Variants in POU2F2 observed in about 807,000 individuals in gnomAD.
POU2F2 encodes the protein POU class 2 homeobox 2, also known as POU domain, class 2, transcription factor 2.
POU2F2 carries 14 observed loss-of-function variants against 63.5 expected under a neutral mutation model. That is an observed-to-expected ratio of 0.22 (90% CI 0.15 to 0.34). The LOEUF is 0.34. POU2F2 is among the 10% of genes least tolerant of loss of function. The pLI, the probability that POU2F2 is intolerant of heterozygous loss-of-function variation, is 1.00. For synonymous variants in POU2F2, 306 were observed against 348.6 expected (o/e 0.88, Z 1.36); for missense variants, 607 against 815.2 (o/e 0.74, Z 3.11).
exon 1 of POU2F2, chr19:42,196,443 C>G (rs2035146473): frequency 6.6e-6 from 1 of 152,322 alleles, no homozygotes. Context: ...TTCGCAAGGG[C>G]TGAAAAATTC....
At chr19:42,123,403 C>A (rs1406178224) in intron 1 of POU2F2, among the ~76,000 whole-genome samples, 9 of 152,134 alleles carry the variant, frequency 5.9e-5, no homozygotes, top group Admixed American at 5.9e-4. Flanking sequence ...GCACATAAAC[C>A]CACGGAGACA....
chr19:42,100,960 A>G (rs1436540783), intron 5 of POU2F2, among the ~76,000 whole-genome samples: 1 of 150,262 alleles, frequency 6.7e-6, no homozygotes, highest in Non-Finnish European at 1.5e-5. Context: ...TTAGCCAGGC[A>G]TGGTGGCACA....
Position 42,117,352 on chromosome 19 carries a change from G to A in POU2F2, c.267C>T (p.Asp89=). ...CLSPPQIKAE[D]PSGDSAPAAP... ...CTGCTGGGGCTGAATCGCCACTGGG[G>A]TCTTCAGCCTTGATCTGGGGGGGAG... Residue 89 remains aspartate (D), a synonymous_variant, in exon 5 of 15, where the codon GAC becomes GAT. Transcript: ENST00000692977. This position sits in a 1 kb window ranked among gnomAD's most constrained non-coding sequence, Gnocchi z 4.4. 3 of 1,533,306 alleles carry A rather than the reference G, an allele frequency of 2.0e-6. No homozygotes were observed. Among genetic ancestry groups the A allele is most frequent in the South Asian group, 1.3e-5 (1 of 77,354 alleles). The allele number at this position is 1,533,306 out of a possible 1,614,324, so 95.0% of individuals were successfully genotyped here. A position where few individuals can be genotyped will look rare whatever the true frequency, so the allele number is the denominator to read the frequency against.
At chr19:42,145,322 T>C (rs1479656119) in intron 2 of POU2F2, among the ~76,000 whole-genome samples, 1 of 152,224 alleles carries the variant, frequency 6.6e-6, no homozygotes, top group Non-Finnish European at 1.5e-5. Context: ...CAAAGACTGC[T>C]GAGTCCTAGC....
At chr19:42,123,511 C>T (rs1406374177) in intron 1 of POU2F2, among the ~76,000 whole-genome samples, 1 of 152,088 alleles carries the variant, frequency 6.6e-6, no homozygotes, top group Non-Finnish European at 1.5e-5. Flanking sequence ...CTCACATTAG[C>T]GGTTAGTGCT....
intron 1 of POU2F2, among the ~76,000 whole-genome samples, chr19:42,188,905 GAGGAAGGAAGGAAGGAAGGAAGGA>G (rs201081622): frequency 2.1e-4 from 18 of 86,154 alleles, no homozygotes; most frequent in Admixed American, 1.3e-4. Flanking sequence ...GAAGAGAAGA[GAGGAAGGAAGGAAGGAAGGAAGGA>G]AGGAAGGAAG....
At position 42,096,274 on chromosome 19, in the gene POU2F2, G is replaced by T; in HGVS notation, c.568-31C>A. 6.6e-7 allele frequency: 1 copy of T among 1,518,538 alleles called. No individual in the cohort carries two copies. The highest frequency in any genetic ancestry group is 1.3e-5 in the South Asian group (1 of 77,744). 94.1% of individuals were successfully genotyped at this position (1,518,538 alleles called of 1,614,324 possible). A position where few individuals can be genotyped will look rare whatever the true frequency, so the allele number is the denominator to read the frequency against. On this transcript the variant is annotated intron_variant, in intron 7 of 14. Coordinates refer to ENST00000692977, the MANE Select transcript of POU2F2 (RefSeq NM_001394376.1). The surrounding 1 kb of genome is among the most constrained non-coding windows in gnomAD (Gnocchi z 4.1). ...GGGGTGGGCAGGTGGGTGGGATGCA[G>T]GGCGGAGGACCAGGATGGGGCTCAG...
chr19:42,132,354 G>C, intron 1 of POU2F2, 30 bp downstream of exon 1: 1 of 1,582,428 alleles, frequency 6.3e-7, no homozygotes, highest in South Asian at 1.1e-5. Flanking sequence ...CCTGTCCTCT[G>C]AGCAGTGGCA....
Position 42,092,247 on chromosome 19 carries a change from C to A in POU2F2, c.1288G>T (p.Gly430Trp). 6.4e-7 allele frequency: 1 copy of A among 1,561,024 alleles called. No individual in the cohort carries two copies. Among genetic ancestry groups the A allele is most frequent in the Non-Finnish European group, 8.7e-7 (1 of 1,151,614 alleles). ...GCTGTCCGGCTGGGGTGGAGCGTCC[C>A]CACAGCTGAGGATAAGGTAGTAACT... is the stretch of plus-strand genomic sequence containing the variant. ...TTVTTLSSAV[G>W]TLHPSRTAGG... Residue 430 changes from glycine (G) to tryptophan (W), a missense_variant, in exon 13 of 15, where the codon GGG becomes TGG. Transcript: ENST00000692977. This position sits in a 1 kb window ranked among gnomAD's most constrained non-coding sequence, Gnocchi z 5.0.
chr19:42,189,170 T>C (rs2035049955), intron 1 of POU2F2, among the ~76,000 whole-genome samples: 1 of 152,162 alleles, frequency 6.6e-6, no homozygotes, highest in African/African-American at 2.4e-5. Context: ...GATACCAATG[T>C]TTCTGCCCAC....
At chr19:42,105,112 A>T (rs1386004318) in intron 5 of POU2F2, among the ~76,000 whole-genome samples, 1 of 152,100 alleles carries the variant, frequency 6.6e-6, no homozygotes, top group African/African-American at 2.4e-5. Context: ...GGCAACACTT[A>T]TGCTTCAGGG....
chr19:42,165,680 CAT>C (rs2034636089), intron 1 of POU2F2, among the ~76,000 whole-genome samples: 1 of 152,158 alleles, frequency 6.6e-6, no homozygotes, highest in African/African-American at 2.4e-5. Flanking sequence ...TTTGCTCAAA[CAT>C]AGCATGAAGA....
intron 1 of POU2F2, among the ~76,000 whole-genome samples, chr19:42,181,788 A>G (rs918414466): frequency 6.6e-6 from 1 of 152,092 alleles, no homozygotes; most frequent in Admixed American, 6.6e-5. Flanking sequence ...GGGTTTCACC[A>G]TGTTGGTCAA....
intron 1 of POU2F2, among the ~76,000 whole-genome samples, chr19:42,187,293 G>A (rs186488700): frequency 2.0e-4 from 30 of 151,030 alleles, no homozygotes; most frequent in African/African-American, 3.2e-4. Context: ...GCGAAACCCC[G>A]TCTCTACTAA....
At chr19:42,109,270 G>A (rs75780949) in intron 5 of POU2F2, among the ~76,000 whole-genome samples, 4,266 of 152,274 alleles carry the variant, frequency 0.028, 177 homozygotes, top group African/African-American at 0.097. Context: ...ATGGCCTCTC[G>A]CGCCCCCATT....
Position 42,153,473 on chromosome 19 carries a change from C to T in POU2F2, c.-9+6859G>A, listed in dbSNP as rs188837011. 2.8e-4 allele frequency among the ~76,000 whole-genome samples: 43 copies of T among 152,270 alleles called. No individual in the cohort carries two copies. The highest frequency in any genetic ancestry group is 2.4e-3 in the Admixed American group (36 of 15,292). ...TGGGAAGCCTGTGTGTGTTGGCGTG[C>T]GCATGCCCCTGACAGAGTGTGTCTG... On this transcript the variant is annotated intron_variant, in intron 2 of 6. Coordinates refer to the POU2F2 transcript ENST00000524801. This position sits in a 1 kb window ranked among gnomAD's most constrained non-coding sequence, Gnocchi z 5.6.
chr19:42,140,684 C>T (rs1251638995), intron 2 of POU2F2, among the ~76,000 whole-genome samples: 3 of 152,190 alleles, frequency 2.0e-5, no homozygotes, highest in Non-Finnish European at 2.9e-5. Context: ...ATTCAATTGC[C>T]GCCTATTTGC....
intron 2 of POU2F2, among the ~76,000 whole-genome samples, chr19:42,144,132 G>A (rs191466892): frequency 8.7e-4 from 132 of 152,306 alleles, no homozygotes; most frequent in African/African-American, 3.1e-3. Context: ...GCTGGATGGA[G>A]CCCTCTTTCT....
At chr19:42,105,432 T>A (rs1368985344) in intron 5 of POU2F2, among the ~76,000 whole-genome samples, 3 of 152,152 alleles carry the variant, frequency 2.0e-5, no homozygotes, top group Non-Finnish European at 2.9e-5. Flanking sequence ...AAATCAAGTC[T>A]TATTACCAGC....
Sources: gnomAD v4.1 joint callset for allele counts (sites outside exome capture counted in the v4.1 genomes callset) on GRCh38, gnomAD v4.1.1 for gene constraint, Gnocchi (gnomAD v3.1) non-coding constraint, MANE v1.5 for transcripts, NCBI Gene and HGNC (gene_info 2026-07-23, HGNC 2026-07-21) for gene names.